The following CDH18 variants were observed in gnomAD, a reference collection of about 807,000 sequenced individuals.
The protein encoded by CDH18 is cadherin-18.
In CDH18, 31 loss-of-function variants were observed where a neutral mutation model predicts 67.9. That is an observed-to-expected ratio of 0.46 (90% confidence interval 0.34 to 0.62). The LOEUF is 0.62. CDH18 is among the 20% of genes least tolerant of loss of function. The pLI is 0.01. For synonymous variants in CDH18, 362 were observed against 347.2 expected (o/e 1.04, Z -0.48); for missense variants, 890 against 975.5 (o/e 0.91, Z 1.17).
intron 1 of CDH18, among the ~76,000 whole-genome samples, chr5:20,513,329 C>T (rs1288606168): frequency 6.6e-6 from 1 of 152,090 alleles, no homozygotes; most frequent in Non-Finnish European, 1.5e-5. Flanking sequence ...ACACATACAT[C>T]TTCAGAGAGA....
At chr5:19,778,833 G>A (rs1005916862) in intron 3 of CDH18, among the ~76,000 whole-genome samples, 1 of 152,100 alleles carries the variant, frequency 6.6e-6, no homozygotes, top group African/African-American at 2.4e-5. Flanking sequence ...CTCATCCCTG[G>A]ACAGGAGAAT....
intron 2 of CDH18, among the ~76,000 whole-genome samples, chr5:19,997,483 C>T (rs149185557): frequency 3.5e-4 from 53 of 152,224 alleles, no homozygotes; most frequent in African/African-American, 1.1e-3. Context: ...GGGCCATTGC[C>T]GGACAATCTC....
intron 9 of CDH18, among the ~76,000 whole-genome samples, chr5:19,542,118 T>C (rs1172106852): frequency 6.6e-6 from 1 of 152,150 alleles, no homozygotes; most frequent in African/African-American, 2.4e-5. Flanking sequence ...TGGAAGCCAC[T>C]TGAGCTAATT....
At chr5:20,391,831 A>G (rs925353318) in intron 1 of CDH18, among the ~76,000 whole-genome samples, 6 of 152,034 alleles carry the variant, frequency 3.9e-5, no homozygotes, top group South Asian at 2.1e-4. Flanking sequence ...TTTATACCCA[A>G]TCTCCATTGA....
Position 20,574,612 on chromosome 5 carries a change from TC to T in CDH18, c.-580+849del, listed in dbSNP as rs1303138206. Among the ~76,000 whole-genome samples, 4 of 152,194 alleles carry T rather than the reference TC, an allele frequency of 2.6e-5. No individual in the cohort carries two copies. In the East Asian group the frequency reaches 7.7e-4, roughly 29 times the overall value. ...CTGTGACCTATAAAACTAAGGTCAA[TC>T]AAATACATCAGGACTGCATTGCCCC... On this transcript the variant is annotated intron_variant, in intron 1 of 14. Transcript: ENST00000507958.
At chr5:20,183,226 G>A (rs1737837607) in intron 2 of CDH18, among the ~76,000 whole-genome samples, 1 of 151,840 alleles carries the variant, frequency 6.6e-6, no homozygotes, top group Admixed American at 6.6e-5. Context: ...TGTTATTATT[G>A]GGATAAATTT....
Position 20,353,466 on chromosome 5 carries a change from T to C in CDH18, c.-579-97961A>G, listed in dbSNP as rs766160027. 2.4e-4 allele frequency among the ~76,000 whole-genome samples: 36 copies of C among 152,210 alleles called. 1 individual carries two copies. The highest frequency in any genetic ancestry group is 4.4e-5 in the Non-Finnish European group (3 of 68,030). On this transcript the variant is annotated intron_variant, in intron 1 of 14. Coordinates refer to the CDH18 transcript ENST00000507958. ...TAATAAAGATATGCTAGATTTCCCC[T>C]AGAACAAGCTCAAAAAAGAAATAAT... is the stretch of plus-strand genomic sequence containing the variant.
intron 2 of CDH18, among the ~76,000 whole-genome samples, chr5:20,103,721 A>C (rs1746676992): frequency 6.6e-6 from 1 of 151,502 alleles, no homozygotes; most frequent in African/African-American, 2.4e-5. Context: ...CAATAGTGTG[A>C]GACGCCGTCT....
intron 1 of CDH18, among the ~76,000 whole-genome samples, chr5:20,390,581 A>G (rs187836470): frequency 1.3e-4 from 20 of 152,314 alleles, no homozygotes; most frequent in Middle Eastern, 6.8e-3. Flanking sequence ...CAGCATGGTG[A>G]TTCCTCAGGG....
At chr5:19,772,322 G>A (rs1773821767) in intron 3 of CDH18, among the ~76,000 whole-genome samples, 1 of 152,156 alleles carries the variant, frequency 6.6e-6, no homozygotes, top group African/African-American at 2.4e-5. Flanking sequence ...GGATTATCCA[G>A]ATATGCCCAA....
upstream of CDH18, among the ~76,000 whole-genome samples, chr5:19,989,844 A>C (rs779806093): frequency 2.0e-5 from 3 of 152,192 alleles, no homozygotes; most frequent in Non-Finnish European, 4.4e-5. Context: ...AATTATTTCT[A>C]ATTGGGAAGG....
rs372671384 is a variant in CDH18, at chr5:19,933,956, T to C, written c.-257+47104A>G. Among the ~76,000 whole-genome samples, 96 of 151,544 alleles carry C rather than the reference T, an allele frequency of 6.3e-4. No individual in the cohort carries two copies. In the South Asian group the frequency reaches 0.017, roughly 27 times the overall value. On this transcript the variant is annotated intron_variant, in intron 2 of 12. Coordinates refer to ENST00000382275, the MANE Select transcript of CDH18 (RefSeq NM_004934.5). ...ATCTATCCCTTGAACTAGACTAAAA[T>C]GTTCAAATTGCAACAATTCATAGCT...
At chr5:19,501,260 T>G (rs976505155) in intron 11 of CDH18, among the ~76,000 whole-genome samples, 63 of 148,870 alleles carry the variant, frequency 4.2e-4, no homozygotes, top group Middle Eastern at 7.2e-3. Context: ...TTTAATTTAA[T>G]TCACAAATTC....
chr5:19,738,274 G>T (rs1460430799), intron 4 of CDH18, among the ~76,000 whole-genome samples: 1 of 152,038 alleles, frequency 6.6e-6, no homozygotes, highest in Non-Finnish European at 1.5e-5. Context: ...ATAAGCCAAG[G>T]TTGCTCTAAG....
At chr5:19,702,751 C>A (rs1763436161) in intron 5 of CDH18, among the ~76,000 whole-genome samples, 1 of 151,958 alleles carries the variant, frequency 6.6e-6, no homozygotes, top group East Asian at 2.0e-4. Flanking sequence ...TAAGCAGGCC[C>A]CAAAACTGGC....
chr5:19,537,716 A>C (rs1749644813), intron 9 of CDH18, among the ~76,000 whole-genome samples: 1 of 151,510 alleles, frequency 6.6e-6, no homozygotes, highest in South Asian at 2.1e-4. Context: ...TTTCTGCAGT[A>C]ATTTTCCATA....
intron 5 of CDH18, among the ~76,000 whole-genome samples, chr5:19,703,725 C>G (rs190003393): frequency 6.6e-6 from 1 of 151,722 alleles, no homozygotes; most frequent in Non-Finnish European, 1.5e-5. Context: ...CCCCCTGCCC[C>G]CCCTGCCCCC....
rs763458186 is a variant in CDH18, at chr5:20,231,524, G to A, written c.-518+23920C>T. Among the ~76,000 whole-genome samples the A allele has an allele frequency of 4.6e-5, 7 of 151,902 alleles. No homozygotes were observed. In the East Asian group the frequency reaches 1.2e-3, roughly 25 times the overall value. On this transcript the variant is annotated intron_variant, in intron 2 of 14. Coordinates refer to the CDH18 transcript ENST00000507958. ...TGAGACAGGAGAATCTCTTGAACCCGGGAGGCGGAGGTTGCAGTGAGCCAA... is the reference window on the plus strand; with the variant it reads ...TGAGACAGGAGAATCTCTTGAACCCAGGAGGCGGAGGTTGCAGTGAGCCAA...
At chr5:20,440,693 T>C (rs1434528193) in intron 1 of CDH18, among the ~76,000 whole-genome samples, 1 of 151,932 alleles carries the variant, frequency 6.6e-6, no homozygotes, top group Non-Finnish European at 1.5e-5. Context: ...TTCATTGGCC[T>C]CCAAATTTTG....
Sources: allele counts gnomAD v4.1 joint callset (sites outside exome capture counted in the v4.1 genomes callset), GRCh38; gene constraint gnomAD v4.1.1; transcripts MANE v1.5; gene names NCBI Gene and HGNC (gene_info 2026-07-23, HGNC 2026-07-21).